The following KAZN variants were observed in gnomAD, a reference collection of about 807,000 sequenced individuals.
The protein encoded by KAZN is kazrin, periplakin interacting protein, also known as kazrin.
Under a neutral mutation model 87.4 loss-of-function variants are expected in KAZN, and 40 were observed. The observed-to-expected ratio is 0.46, with a 90% CI of 0.36 to 0.60. The LOEUF (loss-of-function observed/expected upper bound fraction) is 0.60, where lower values mean the gene tolerates loss of function less well. KAZN is among the 20% of genes least tolerant of loss of function. The probability of loss-of-function intolerance (pLI) is 0.00; values close to 1 mark genes in which losing one functional copy is unlikely to be tolerated. For missense variants in KAZN, 898 were observed against 1,073.9 expected (o/e 0.84, Z 2.29); for synonymous variants, 466 against 458.3 (o/e 1.02, Z -0.22).
intron 1 of KAZN, among the ~76,000 whole-genome samples, chr1:14,021,386 C>G (rs1334909258): frequency 6.6e-6 from 1 of 152,200 alleles, no homozygotes. Context: ...CCTATAGGAT[C>G]AGTATCTGCA....
rs1191387096 is a variant in KAZN, at chr1:15,063,634, C to T, written c.1098+12C>T. 6.2e-7 allele frequency: 1 copy of T among 1,610,804 alleles called. No homozygotes were observed. The highest frequency in any genetic ancestry group is 1.3e-5 in the African/African-American group (1 of 74,784). On this transcript the variant is annotated intron_variant, in intron 7 of 14. Coordinates refer to ENST00000376030, the MANE Select transcript of KAZN (RefSeq NM_201628.3). ...ACCCTATTGTACAGGTAGGTGTGCC[C>T]TCCCTGGCCACTTGAACCCTCCCTC...
chr1:14,495,520 G>A lies in KAZN; in HGVS notation c.250-103463G>A, dbSNP rs1669890412. Among the ~76,000 whole-genome samples, 4 of 152,150 alleles carry A rather than the reference G, an allele frequency of 2.6e-5. No individual in the cohort carries two copies. The South Asian group carries it at 8.3e-4, about 32-fold the overall frequency. ...GCTCCTTTCCTTTCTGGTAGATGAG[G>A]CACACTGGAATAATTTAAATTAACA... On this transcript the variant is annotated intron_variant, in intron 2 of 16. Transcript: ENST00000636203.
intron 2 of KAZN, among the ~76,000 whole-genome samples, chr1:14,972,118 G>C (rs781157956): frequency 2.2e-4 from 33 of 152,198 alleles, no homozygotes; most frequent in Admixed American, 6.5e-5. Context: ...CTCGGTGTGC[G>C]TCAAGCCAGG....
At chr1:13,906,598 C>T (rs555761129) in intron 1 of KAZN, among the ~76,000 whole-genome samples, 3 of 152,260 alleles carry the variant, frequency 2.0e-5, no homozygotes, top group Admixed American at 6.5e-5. Context: ...TATGTGTGAT[C>T]GACCTTGGTT....
intron 5 of KAZN, among the ~76,000 whole-genome samples, chr1:15,058,254 C>T (rs1638477814): frequency 6.6e-6 from 1 of 152,212 alleles, no homozygotes; most frequent in Admixed American, 6.5e-5. Context: ...CCATGTTACA[C>T]ATAACAAACC....
At chr1:14,836,838 T>G (rs1437972330) in intron 1 of KAZN, among the ~76,000 whole-genome samples, 1 of 152,194 alleles carries the variant, frequency 6.6e-6, no homozygotes, top group Non-Finnish European at 1.5e-5. Context: ...TTGAAAGTTT[T>G]AAAATATAAT....
chr1:14,555,490 A>T (rs1673805851), intron 2 of KAZN, among the ~76,000 whole-genome samples: 1 of 152,238 alleles, frequency 6.6e-6, no homozygotes, highest in Non-Finnish European at 1.5e-5. Flanking sequence ...GCTATAGGAA[A>T]TAACTTTACT....
At chr1:14,453,078 C>T (rs1667365457) in intron 2 of KAZN, among the ~76,000 whole-genome samples, 1 of 152,094 alleles carries the variant, frequency 6.6e-6, no homozygotes, top group Admixed American at 6.6e-5. Flanking sequence ...GCCTCAGCCT[C>T]CCAAGTAGCT....
At chr1:14,801,676 TTTTTTTTG>T (rs554865082) in intron 1 of KAZN, among the ~76,000 whole-genome samples, 1 of 146,600 alleles carries the variant, frequency 6.8e-6, no homozygotes, top group Non-Finnish European at 1.5e-5. Context: ...GTTTTTTTTG[TTTTTTTTG>T]TTTTTTTGTT....
chr1:14,047,199 A>G (rs1027526016), intron 1 of KAZN, among the ~76,000 whole-genome samples: 1 of 152,208 alleles, frequency 6.6e-6, no homozygotes, highest in African/African-American at 2.4e-5. Context: ...ACTGGTAGAA[A>G]TAGGGATGGG....
At chr1:14,393,842 CAAA>C (rs35205129) in intron 2 of KAZN, among the ~76,000 whole-genome samples, 7 of 87,004 alleles carry the variant, frequency 8.0e-5, no homozygotes, top group Admixed American at 2.8e-4. Context: ...GACCCAATCT[CAAA>C]AAAAAAAAAA....
chr1:14,928,504 C>T (rs562907800), intron 1 of KAZN, among the ~76,000 whole-genome samples: 1 of 151,926 alleles, frequency 6.6e-6, no homozygotes, highest in African/African-American at 2.4e-5. Context: ...TCTCTTTTTC[C>T]TTTAAATTTT....
chr1:14,392,920 T>A (rs2101097328), intron 2 of KAZN, among the ~76,000 whole-genome samples: 1 of 152,214 alleles, frequency 6.6e-6, no homozygotes, highest in East Asian at 1.9e-4. Flanking sequence ...GGTCTTCTGG[T>A]CAGGAGGGGA....
chr1:14,467,374 T>C (rs1303938954), intron 2 of KAZN, among the ~76,000 whole-genome samples: 1 of 145,610 alleles, frequency 6.9e-6, no homozygotes, highest in Non-Finnish European at 1.5e-5. Flanking sequence ...AAGTAGAAAA[T>C]ATCTATTTAA....
At chr1:13,996,539 G>T (rs946771365) in intron 1 of KAZN, among the ~76,000 whole-genome samples, 5 of 152,202 alleles carry the variant, frequency 3.3e-5, no homozygotes, top group Non-Finnish European at 5.9e-5. Context: ...GGATGGCTTG[G>T]TCCCAAGATG....
intron 2 of KAZN, among the ~76,000 whole-genome samples, chr1:15,003,118 G>T (rs1031528512): frequency 2.6e-5 from 4 of 152,138 alleles, no homozygotes; most frequent in African/African-American, 9.7e-5. Flanking sequence ...CGGCTGGGAC[G>T]GGGCAGAGCT....
At chr1:14,722,864 G>T (rs1239530507) in intron 1 of KAZN, among the ~76,000 whole-genome samples, 1 of 152,156 alleles carries the variant, frequency 6.6e-6, no homozygotes, top group African/African-American at 2.4e-5. Context: ...CATGACTCAT[G>T]CCTGTAATCC....
chr1:15,084,355 C>T (rs904050648), intron 8 of KAZN, among the ~76,000 whole-genome samples: 3 of 152,178 alleles, frequency 2.0e-5, no homozygotes, highest in African/African-American at 7.2e-5. Flanking sequence ...GCCAGAGGGA[C>T]GGCCACTCAG....
chr1:14,405,861 G>C (rs894771915), intron 2 of KAZN, among the ~76,000 whole-genome samples: 2 of 147,976 alleles, frequency 1.4e-5, no homozygotes, highest in Admixed American at 1.4e-4. Context: ...TTCTTATTTG[G>C]GGGAGGATCA....
Sources: allele counts gnomAD v4.1 joint callset (sites outside exome capture counted in the v4.1 genomes callset), GRCh38; gene constraint gnomAD v4.1.1; transcripts MANE v1.5; gene names NCBI Gene and HGNC (gene_info 2026-07-23, HGNC 2026-07-21).